MGAT4C: variants seen among roughly 807,000 people sequenced by gnomAD.
MGAT4C encodes MGAT4 family member C, also known as alpha-1,3-mannosyl-glycoprotein 4-beta-N-acetylglucosaminyltransferase C.
In MGAT4C, 19 loss-of-function variants were observed where a neutral mutation model predicts 40.1. That is an observed-to-expected ratio of 0.47 (90% confidence interval 0.33 to 0.70). The LOEUF (loss-of-function observed/expected upper bound fraction) is 0.70, where lower values mean the gene tolerates loss of function less well. MGAT4C is among the 30% of genes least tolerant of loss of function. MGAT4C has a pLI of 0.02. For missense variants in MGAT4C, 491 were observed against 563.2 expected (o/e 0.87, Z 1.30); for synonymous variants, 181 against 187.1 (o/e 0.97, Z 0.27).
intron 2 of MGAT4C, among the ~76,000 whole-genome samples, chr12:86,568,603 A>G (rs985603106): frequency 6.6e-6 from 1 of 151,156 alleles, no homozygotes; most frequent in African/African-American, 2.4e-5. Context: ...ACCCTAATAC[A>G]GACTCTAAAT....
At chr12:86,318,193 T>C (rs770765992) in intron 4 of MGAT4C, among the ~76,000 whole-genome samples, 2 of 151,618 alleles carry the variant, frequency 1.3e-5, no homozygotes, top group Non-Finnish European at 3.0e-5. Context: ...ATATAAAATA[T>C]ATAATCTATT....
chr12:86,753,985 T>C (rs1951262525), intron 1 of MGAT4C, among the ~76,000 whole-genome samples: 1 of 152,166 alleles, frequency 6.6e-6, no homozygotes, highest in Non-Finnish European at 1.5e-5. Context: ...GTACTACTCC[T>C]AAATATTTAC....
intron 4 of MGAT4C, among the ~76,000 whole-genome samples, chr12:86,290,630 T>C (rs548678217): frequency 6.6e-6 from 1 of 152,130 alleles, no homozygotes; most frequent in South Asian, 2.1e-4. Flanking sequence ...ACAAAATCAT[T>C]TGTGCATCAA....
intron 1 of MGAT4C, among the ~76,000 whole-genome samples, chr12:86,180,592 C>T (rs1188947643): frequency 6.6e-6 from 1 of 152,194 alleles, no homozygotes; most frequent in Non-Finnish European, 1.5e-5. Context: ...TCAGCATGAC[C>T]TGGATGTGAG....
At chr12:86,324,905 A>G (rs1480939096) in intron 4 of MGAT4C, among the ~76,000 whole-genome samples, 1 of 152,140 alleles carries the variant, frequency 6.6e-6, no homozygotes, top group African/African-American at 2.4e-5. Flanking sequence ...CCACTTCCTA[A>G]TGATTATTAT....
chr12:86,184,406 C>T (rs930253067), intron 1 of MGAT4C, among the ~76,000 whole-genome samples: 4 of 150,974 alleles, frequency 2.6e-5, no homozygotes, highest in Non-Finnish European at 5.9e-5. Flanking sequence ...CTTTTATTTA[C>T]TATGTGCCAG....
intron 1 of MGAT4C, among the ~76,000 whole-genome samples, chr12:86,200,123 ATTTG>A (rs1439870291): frequency 3.2e-5 from 1 of 31,704 alleles, no homozygotes; most frequent in Non-Finnish European, 5.9e-5. Flanking sequence ...AATAGTATGT[ATTTG>A]TTTTTTTTTT....
rs1172005780 is a variant in MGAT4C, at chr12:85,959,753, C to T, written c.*19536G>A. 6.9e-6 allele frequency: 1 copy of T among 145,136 alleles called. No homozygotes were observed. The highest frequency in any genetic ancestry group is 1.5e-5 in the Non-Finnish European group (1 of 65,848). 9.0% of individuals were successfully genotyped at this position (145,136 alleles called of 1,614,324 possible). On this transcript the variant is annotated 3_prime_UTR_variant, in exon 5 of 5. Coordinates refer to ENST00000611864, the MANE Select transcript of MGAT4C (RefSeq NM_001351288.2). ...GCTTGCTGAAATCGAGATCAATATT[C>T]ATTGTTTTCTTCTGGGTTAACTCTT...
rs867078498 is a variant in MGAT4C, at chr12:86,280,833, C to T, written c.-57+53232G>A. Among the ~76,000 whole-genome samples, 39 of 152,078 alleles carry T rather than the reference C, an allele frequency of 2.6e-4. No individual in the cohort carries two copies. The Middle Eastern group carries it at 0.01, about 40-fold the overall frequency. The stretch of plus-strand genomic sequence containing the variant: ...TCAGTTTTCTTATTGTTTACATTTA[C>T]AAAGTACATATTTTATCTTATTACT... On this transcript the variant is annotated intron_variant, in intron 4 of 7. Transcript: ENST00000548651.
intron 1 of MGAT4C, among the ~76,000 whole-genome samples, chr12:86,777,300 T>C (rs1951763347): frequency 6.6e-6 from 1 of 152,192 alleles, no homozygotes; most frequent in Admixed American, 6.5e-5. Flanking sequence ...TTTACCATGG[T>C]TACAAAATAA....
At chr12:86,160,015 T>G (rs568670859) in intron 1 of MGAT4C, among the ~76,000 whole-genome samples, 1 of 152,216 alleles carries the variant, frequency 6.6e-6, no homozygotes, top group African/African-American at 2.4e-5. Flanking sequence ...GATCTTTTTA[T>G]AGATTTTTAC....
At chr12:86,478,325 G>T (rs1957877063) in intron 2 of MGAT4C, among the ~76,000 whole-genome samples, 1 of 152,128 alleles carries the variant, frequency 6.6e-6, no homozygotes, top group South Asian at 2.1e-4. Context: ...TTTCCTTTTT[G>T]AGTTAGACAC....
At chr12:86,825,770 C>T (rs1219265424) in intron 1 of MGAT4C, among the ~76,000 whole-genome samples, 2 of 151,380 alleles carry the variant, frequency 1.3e-5, no homozygotes, top group Non-Finnish European at 3.0e-5. Flanking sequence ...TACCAGCATA[C>T]AACAGTGTGA....
Position 86,063,113 on chromosome 12 carries a change from G to A in MGAT4C, c.-56-13390C>T, listed in dbSNP as rs188130441. On this transcript the variant is annotated intron_variant, in intron 1 of 4. Coordinates refer to ENST00000611864, the MANE Select transcript of MGAT4C (RefSeq NM_001351288.2). ...TTGAAATGAAGGAAAAAATGTTAAG[G>A]GCAGCCAGAGAGAAAGGTCGGGTTA... 3.6e-3 allele frequency among the ~76,000 whole-genome samples: 544 copies of A among 152,104 alleles called. 3 individuals are homozygous for A. The highest frequency in any genetic ancestry group is 0.013 in the African/African-American group (520 of 41,492).
chr12:86,369,239 T>C (rs964892227), intron 3 of MGAT4C, among the ~76,000 whole-genome samples: 1 of 151,976 alleles, frequency 6.6e-6, no homozygotes, highest in Non-Finnish European at 1.5e-5. Flanking sequence ...TCAGCCTATA[T>C]ATTTACTTAA....
intron 3 of MGAT4C, among the ~76,000 whole-genome samples, chr12:86,359,175 A>G (rs1051736564): frequency 6.6e-6 from 1 of 152,136 alleles, no homozygotes; most frequent in Non-Finnish European, 1.5e-5. Flanking sequence ...CAAGAAACTC[A>G]CTCAAAACCG....
intron 2 of MGAT4C, among the ~76,000 whole-genome samples, chr12:86,003,731 A>G (rs1887587909): frequency 1.4e-5 from 2 of 146,632 alleles, no homozygotes; most frequent in South Asian, 4.5e-4. Context: ...AAGTTTTGTG[A>G]AGTTGTGAAG....
At chr12:86,342,192 T>C (rs1333066008) in intron 3 of MGAT4C, among the ~76,000 whole-genome samples, 1 of 152,080 alleles carries the variant, frequency 6.6e-6, no homozygotes, top group East Asian at 1.9e-4. Flanking sequence ...CAACCTTCAC[T>C]GGTGATGCCT....
At chr12:86,603,764 GTATAATTATATATAC>G (rs1961929164) in intron 2 of MGAT4C, among the ~76,000 whole-genome samples, 1 of 114,142 alleles carries the variant, frequency 8.8e-6, no homozygotes, top group Admixed American at 1.2e-4. Context: ...ATAATATATA[GTATAATTATATATAC>G]TATATAATAT....
Sources: allele counts gnomAD v4.1 joint callset (sites outside exome capture counted in the v4.1 genomes callset), GRCh38; gene constraint gnomAD v4.1.1; transcripts MANE v1.5; gene names NCBI Gene and HGNC (gene_info 2026-07-23, HGNC 2026-07-21).